The following DKK2 variants were observed in gnomAD, a reference collection of about 807,000 sequenced individuals.
The protein encoded by DKK2 is dickkopf-related protein 2.
Under a neutral mutation model 28.1 loss-of-function variants are expected in DKK2, and 11 were observed. That is an observed-to-expected ratio of 0.39 (90% confidence interval 0.25 to 0.65). The LOEUF is 0.65. Ranked by LOEUF, DKK2 falls within the 30% of genes least tolerant of loss-of-function variation. The pLI, the probability that DKK2 is intolerant of heterozygous loss-of-function variation, is 0.47. For synonymous variants in DKK2, 135 were observed against 126.5 expected (o/e 1.07, Z -0.45); for missense variants, 326 against 335.5 (o/e 0.97, Z 0.22).
chr4:106,959,765 A>G (rs1722658543), intron 1 of DKK2, among the ~76,000 whole-genome samples: 1 of 152,106 alleles, frequency 6.6e-6, no homozygotes, highest in African/African-American at 2.4e-5. Flanking sequence ...TTCACCAAAT[A>G]CTTTTTGCCC....
At chr4:106,969,262 C>T (rs1252610478) in intron 1 of DKK2, among the ~76,000 whole-genome samples, 1 of 151,612 alleles carries the variant, frequency 6.6e-6, no homozygotes, top group Non-Finnish European at 1.5e-5. Context: ...TCTCCCCCTC[C>T]CCTCTCCCTT....
intron 1 of DKK2, among the ~76,000 whole-genome samples, chr4:106,959,599 T>C (rs555236029): frequency 1.1e-4 from 17 of 152,186 alleles, no homozygotes; most frequent in African/African-American, 3.4e-4. Flanking sequence ...AACAGAATGG[T>C]GTGATTTTAA....
At chr4:106,968,992 G>A (rs956011755) in intron 1 of DKK2, among the ~76,000 whole-genome samples, 2 of 151,956 alleles carry the variant, frequency 1.3e-5, no homozygotes, top group South Asian at 2.1e-4. Context: ...ATAGGCATGC[G>A]GAAAGTAAAA....
At chr4:107,017,480 A>C (rs1236112451) in intron 1 of DKK2, among the ~76,000 whole-genome samples, 2 of 152,016 alleles carry the variant, frequency 1.3e-5, no homozygotes, top group Admixed American at 6.6e-5. Flanking sequence ...AGACCAAGTA[A>C]CGACACAATA....
intron 1 of DKK2, among the ~76,000 whole-genome samples, chr4:107,024,384 A>C (rs1723740886): frequency 6.6e-6 from 1 of 152,218 alleles, no homozygotes; most frequent in African/African-American, 2.4e-5. Flanking sequence ...AGTTCTTATC[A>C]GAAATATGAA....
chr4:107,000,240 T>C (rs1723340102), intron 1 of DKK2, among the ~76,000 whole-genome samples: 1 of 152,204 alleles, frequency 6.6e-6, no homozygotes, highest in South Asian at 2.1e-4. Context: ...TGGATTTTTC[T>C]TTCTTAGTCT....
chr4:106,941,134 TAAAATAAAA>T (rs897279702), intron 1 of DKK2, among the ~76,000 whole-genome samples: 1 of 151,204 alleles, frequency 6.6e-6, no homozygotes, highest in African/African-American at 2.4e-5. Flanking sequence ...AAAATAAAAA[TAAAATAAAA>T]AAAAGCATGA....
At chr4:106,995,089 CTGTT>C (rs1204817107) in intron 1 of DKK2, among the ~76,000 whole-genome samples, 11 of 152,056 alleles carry the variant, frequency 7.2e-5, no homozygotes, top group African/African-American at 2.7e-4. Context: ...TTACTATAAT[CTGTT>C]TCCTTTTTAT....
chr4:106,980,332 T>C (rs896895882), intron 1 of DKK2, among the ~76,000 whole-genome samples: 7 of 152,154 alleles, frequency 4.6e-5, no homozygotes, highest in Non-Finnish European at 1.0e-4. Context: ...CACAGGTATA[T>C]GCATATGTCT....
At chr4:106,924,403 C>T in intron 3 of DKK2, 142 bp downstream of exon 3, 1 of 1,274,164 alleles carries the variant, frequency 7.8e-7, no homozygotes, top group Non-Finnish European at 1.1e-6. Context: ...CCATTATTTG[C>T]CACCTAAATA....
At chr4:106,949,746 T>G (rs2110346420) in intron 1 of DKK2, among the ~76,000 whole-genome samples, 1 of 152,336 alleles carries the variant, frequency 6.6e-6, no homozygotes, top group South Asian at 2.1e-4. Context: ...AGTGAAAAAC[T>G]TACCATAGCC....
intron 1 of DKK2, among the ~76,000 whole-genome samples, chr4:106,940,660 G>A (rs1016346940): frequency 1.2e-3 from 175 of 150,692 alleles, no homozygotes; most frequent in African/African-American, 2.9e-3. Flanking sequence ...ACATGCACAC[G>A]TATGTTTATT....
At chr4:106,965,116 CT>C (rs2110351968) in intron 1 of DKK2, among the ~76,000 whole-genome samples, 1 of 152,180 alleles carries the variant, frequency 6.6e-6, no homozygotes, top group South Asian at 2.1e-4. Context: ...ATATATTTAT[CT>C]TTGTCTTTCC....
intron 1 of DKK2, among the ~76,000 whole-genome samples, chr4:107,021,125 T>C (rs1341726607): frequency 6.6e-6 from 1 of 152,142 alleles, no homozygotes; most frequent in Non-Finnish European, 1.5e-5. Context: ...TTTACAATTA[T>C]AATCACAATG....
chr4:106,996,268 C>A (rs1723271413), intron 1 of DKK2, among the ~76,000 whole-genome samples: 1 of 152,134 alleles, frequency 6.6e-6, no homozygotes, highest in African/African-American at 2.4e-5. Context: ...TACAATTCAA[C>A]TTAAGAAAGA....
intron 1 of DKK2, among the ~76,000 whole-genome samples, chr4:107,022,759 A>G (rs749468394): frequency 1.3e-5 from 2 of 152,146 alleles, no homozygotes; most frequent in East Asian, 3.9e-4. Context: ...GGATCAAGGC[A>G]ATGAAAAATT....
intron 1 of DKK2, among the ~76,000 whole-genome samples, chr4:106,960,144 A>G (rs1722665557): frequency 6.7e-6 from 1 of 150,042 alleles, no homozygotes; most frequent in African/African-American, 2.4e-5. Context: ...ACACACACAT[A>G]TATATACATA....
chr4:106,943,344 C>T (rs1673725471), intron 1 of DKK2, among the ~76,000 whole-genome samples: 2 of 152,002 alleles, frequency 1.3e-5, no homozygotes, highest in South Asian at 4.1e-4. Flanking sequence ...GAATAATTTA[C>T]CATTCCACAA....
chr4:106,997,759 A>AC (rs1447113394), intron 1 of DKK2, among the ~76,000 whole-genome samples: 2 of 152,240 alleles, frequency 1.3e-5, no homozygotes, highest in African/African-American at 4.8e-5. Context: ...TCAGGTCTGC[A>AC]ACTATGCATG....
Sources: gnomAD v4.1 joint callset for allele counts (sites outside exome capture counted in the v4.1 genomes callset) on GRCh38, gnomAD v4.1.1 for gene constraint, MANE v1.5 for transcripts, NCBI Gene and HGNC (gene_info 2026-07-23, HGNC 2026-07-21) for gene names.